SCRN1: variants seen among roughly 807,000 people sequenced by gnomAD.
SCRN1 encodes the protein secernin 1, also known as secernin-1.
A neutral mutation model predicts 43.3 loss-of-function variants in SCRN1; 19 were observed. The ratio of observed to expected loss-of-function variants is 0.44; its 90% CI spans 0.31 to 0.64. The LOEUF is 0.64. SCRN1 is among the 30% of genes least tolerant of loss of function. The probability of loss-of-function intolerance (pLI) is 0.09; values close to 1 mark genes in which losing one functional copy is unlikely to be tolerated. For synonymous variants in SCRN1, 183 were observed against 188.9 expected, an observed-to-expected ratio of 0.97 and a Z score of 0.26; for missense variants, 447 against 524.1, an observed-to-expected ratio of 0.85 and a Z score of 1.44.
chr7:29,989,816 C>G, upstream of SCRN1: 1 of 986,020 alleles, frequency 1.0e-6, no homozygotes, highest in Non-Finnish European at 1.2e-6. Flanking sequence ...CGCTGGGGCC[C>G]GCCGCCCCCC....
intron 1 of SCRN1, among the ~76,000 whole-genome samples, chr7:29,979,686 C>T (rs1412002290): frequency 1.3e-5 from 2 of 152,200 alleles, no homozygotes; most frequent in Non-Finnish European, 2.9e-5. Context: ...TCTTCATGCA[C>T]ATCTATCATG....
chr7:29,971,378 A>G (rs1788660299), intron 1 of SCRN1, among the ~76,000 whole-genome samples: 1 of 152,182 alleles, frequency 6.6e-6, no homozygotes, highest in South Asian at 2.1e-4. Context: ...CATGCCTGTA[A>G]TCCCAGCACT....
intron 6 of SCRN1, among the ~76,000 whole-genome samples, chr7:29,928,430 A>T (rs1787042813): frequency 6.6e-6 from 1 of 152,232 alleles, no homozygotes; most frequent in Non-Finnish European, 1.5e-5. Flanking sequence ...GAAAAGAAAG[A>T]CACTGATCAC....
chr7:29,937,583 G>A (rs1327534492), intron 5 of SCRN1, among the ~76,000 whole-genome samples: 2 of 152,056 alleles, frequency 1.3e-5, no homozygotes, highest in East Asian at 3.8e-4. Context: ...CACCAAACTC[G>A]CTCCCATAAA....
chr7:29,971,581 C>A (rs1788665859), intron 1 of SCRN1, among the ~76,000 whole-genome samples: 1 of 151,188 alleles, frequency 6.6e-6, no homozygotes, highest in Non-Finnish European at 1.5e-5. Context: ...CTGCAGTGAG[C>A]CGAGATCACG....
chr7:29,978,641 T>G (rs1788903558), intron 1 of SCRN1, among the ~76,000 whole-genome samples: 1 of 152,056 alleles, frequency 6.6e-6, no homozygotes, highest in Admixed American at 6.6e-5. Context: ...CAACATCGCA[T>G]GGTGTTGTGA....
chr7:29,949,204 A>C (rs2128092405), intron 3 of SCRN1, among the ~76,000 whole-genome samples: 1 of 150,944 alleles, frequency 6.6e-6, no homozygotes, highest in South Asian at 2.1e-4. Context: ...AGTCCCAGCT[A>C]CTCGGGAGGC....
At chr7:29,953,089 G>A (rs1015379770) in intron 3 of SCRN1, among the ~76,000 whole-genome samples, 1 of 152,190 alleles carries the variant, frequency 6.6e-6, no homozygotes, top group African/African-American at 2.4e-5. Context: ...GCCCCTCAAA[G>A]CATTCCCAAA....
chr7:29,955,385 A>G (rs762953584), intron 2 of SCRN1, 25 bp from the exon 3 acceptor site: 14 of 1,609,204 alleles, frequency 8.7e-6, no homozygotes, highest in Admixed American at 1.7e-5. Context: ...CAGGAAAGAA[A>G]GCGCCATCAC....
chr7:29,974,035 A>G (rs1788738182), intron 1 of SCRN1, among the ~76,000 whole-genome samples: 1 of 152,236 alleles, frequency 6.6e-6, no homozygotes, highest in Admixed American at 6.5e-5. Context: ...GAAAAAGACT[A>G]TGCCCAAATA....
At chr7:29,989,187 C>T (rs1412603610) in intron 1 of SCRN1, 3 of 152,122 alleles carry the variant, frequency 2.0e-5, no homozygotes, top group South Asian at 2.1e-4. Context: ...GCGGGCGTCT[C>T]CGGGCAGCCA....
rs1345332801 is a variant in SCRN1 at position 29,950,642 on chromosome 7, A to G, written c.341+4537T>C. ...CACACACTTCCTCCCTTCTGAGCCCATAAAAACCCCAGACTCAGTCAGACT... is the reference window on the plus strand; with the variant it reads ...CACACACTTCCTCCCTTCTGAGCCCGTAAAAACCCCAGACTCAGTCAGACT... On this transcript the variant is annotated intron_variant, in intron 3 of 7. Coordinates refer to ENST00000242059, the MANE Select transcript of SCRN1 (RefSeq NM_014766.5). This position sits in a 1 kb window ranked among gnomAD's most constrained non-coding sequence, Gnocchi z 4.5. 6.6e-6 allele frequency among the ~76,000 whole-genome samples: 1 copy of G among 152,190 alleles called. No individual in the cohort carries two copies. Among genetic ancestry groups the G allele is most frequent in the Non-Finnish European group, 1.5e-5 (1 of 68,024 alleles).
chr7:29,929,077 T>G (rs781764742), intron 6 of SCRN1, among the ~76,000 whole-genome samples: 3 of 152,142 alleles, frequency 2.0e-5, no homozygotes, highest in Non-Finnish European at 4.4e-5. Context: ...CGTCCTACCC[T>G]TGAGGGCCAG....
At position 29,968,556 on chromosome 7, in the gene SCRN1, A is replaced by G. The variant is rs187631363; in HGVS notation, c.159+353T>C. On this transcript the variant is annotated intron_variant, in intron 2 of 7. Transcript: ENST00000242059. ...TATGTGTAATTTTGCAAATGGAAGGATAAACCAAGATCTTCCAAAACATGA... is the reference window on the plus strand; with the variant it reads ...TATGTGTAATTTTGCAAATGGAAGGGTAAACCAAGATCTTCCAAAACATGA... Among the ~76,000 whole-genome samples, 160 of 152,344 alleles carry G rather than the reference A, an allele frequency of 1.1e-3. 1 individual carries two copies. Among genetic ancestry groups the G allele is most frequent in the African/African-American group, 3.8e-3 (156 of 41,572 alleles).
At position 29,960,108 on chromosome 7, in the gene SCRN1, T is replaced by C. The variant is rs1262122961; in HGVS notation, c.160-4748A>G. ...TCCAGAATGACTTGTACTTTCCTAT[T>C]GTAAGAAATAACTTTCAGAATTAAA... is the stretch of plus-strand genomic sequence containing the variant. On this transcript the variant is annotated intron_variant, in intron 2 of 7. Coordinates refer to ENST00000242059, the MANE Select transcript of SCRN1 (RefSeq NM_014766.5). 3.9e-5 allele frequency among the ~76,000 whole-genome samples: 6 copies of C among 152,180 alleles called. No individual in the cohort carries two copies. The East Asian group carries it at 9.7e-4, about 25-fold the overall frequency.
intron 2 of SCRN1, among the ~76,000 whole-genome samples, chr7:29,956,862 T>C (rs972577010): frequency 1.2e-4 from 19 of 152,214 alleles, no homozygotes; most frequent in Admixed American, 8.5e-4. Flanking sequence ...ATGATTCTTG[T>C]AGAGCACGAA....
At position 29,940,896 on chromosome 7, in the gene SCRN1, C is replaced by T; in HGVS notation, c.545-20G>A. On this transcript the variant is annotated intron_variant, in intron 4 of 7. Transcript: ENST00000242059. ...CTCCCTCTGCAGAGAGTGCAAAGCC[C>T]CATAAGTTAAAAATATACTTATAAA... The T allele has an allele frequency of 6.8e-7, 1 of 1,466,346 alleles. No individual in the cohort carries two copies. Among genetic ancestry groups the T allele is most frequent in the Non-Finnish European group, 9.0e-7 (1 of 1,111,644 alleles). 90.8% of individuals were successfully genotyped at this position (1,466,346 alleles called of 1,614,324 possible).
intron 3 of SCRN1, among the ~76,000 whole-genome samples, chr7:29,945,482 TCA>T (rs1452329287): frequency 1.3e-5 from 2 of 152,236 alleles, no homozygotes. Flanking sequence ...ATTTTGAACT[TCA>T]GTTTTATGTC....
intron 3 of SCRN1, among the ~76,000 whole-genome samples, chr7:29,954,336 T>C (rs191078606): frequency 6.6e-6 from 1 of 152,012 alleles, no homozygotes; most frequent in African/African-American, 2.4e-5. Context: ...TATTTTTATA[T>C]ATATATTATA....
Sources: allele counts gnomAD v4.1 joint callset (sites outside exome capture counted in the v4.1 genomes callset), GRCh38; gene constraint gnomAD v4.1.1; non-coding constraint Gnocchi (gnomAD v3.1); transcripts MANE v1.5; gene names NCBI Gene and HGNC (gene_info 2026-07-23, HGNC 2026-07-21).